SLC9A9: variants seen among roughly 807,000 people sequenced by gnomAD.
SLC9A9 encodes solute carrier family 9 member A9.
In SLC9A9, 62 loss-of-function variants were observed where a neutral mutation model predicts 77.8. That is an observed-to-expected ratio of 0.80 (90% CI 0.65 to 0.98). The LOEUF (loss-of-function observed/expected upper bound fraction) is 0.98, where lower values mean the gene tolerates loss of function less well. SLC9A9 is among the 50% of genes least tolerant of loss of function. The pLI is 0.00. For synonymous variants in SLC9A9, 320 were observed against 283.5 expected, an observed-to-expected ratio of 1.13 and a Z score of -1.29; for missense variants, 775 against 774.9, an observed-to-expected ratio of 1.00 and a Z score of 0.00.
intron 4 of SLC9A9, among the ~76,000 whole-genome samples, chr3:143,762,774 G>A (rs111538468): frequency 2.2e-4 from 33 of 152,284 alleles, no homozygotes; most frequent in African/African-American, 7.9e-4. Flanking sequence ...TATATGGCCA[G>A]TGTGGCACTG....
intron 6 of SLC9A9, among the ~76,000 whole-genome samples, chr3:143,623,647 C>G (rs2038263039): frequency 6.6e-6 from 1 of 151,738 alleles, no homozygotes; most frequent in Non-Finnish European, 1.5e-5. Context: ...CACTAAATGC[C>G]CACAAGAGAA....
At position 143,399,635 on chromosome 3, in the gene SLC9A9, CAG is replaced by C. The variant is rs1333994603; in HGVS notation, c.1470-17523_1470-17522del. Among the ~76,000 whole-genome samples the C allele has an allele frequency of 2.0e-5, 3 of 152,216 alleles. No individual in the cohort carries two copies. The East Asian group carries it at 5.8e-4, about 29-fold the overall frequency. The stretch of plus-strand genomic sequence containing the variant: ...CTACGGAAAGTGCACAGCATGGAAA[CAG>C]AATTAGCATCAATTTGGCGGAAAAT... On this transcript the variant is annotated intron_variant, in intron 12 of 15. Transcript: ENST00000316549.
intron 9 of SLC9A9, among the ~76,000 whole-genome samples, chr3:143,546,321 G>A (rs139621378): frequency 6.6e-6 from 1 of 152,282 alleles, no homozygotes; most frequent in Non-Finnish European, 1.5e-5. Flanking sequence ...AATAAAATAA[G>A]CATCTGGAAA....
chr3:143,820,374 A>G (rs2009135423), intron 2 of SLC9A9, among the ~76,000 whole-genome samples: 1 of 152,244 alleles, frequency 6.6e-6, no homozygotes, highest in Admixed American at 6.5e-5. Context: ...ACCAATGGCT[A>G]GAAACTCTTC....
intron 12 of SLC9A9, among the ~76,000 whole-genome samples, chr3:143,463,558 G>A (rs1385164156): frequency 2.6e-5 from 4 of 152,216 alleles, no homozygotes; most frequent in South Asian, 2.1e-4. Context: ...ACTCCTGTTG[G>A]GTTTTCCTCA....
At chr3:143,317,801 C>A (rs2031271353) in intron 14 of SLC9A9, among the ~76,000 whole-genome samples, 1 of 152,186 alleles carries the variant, frequency 6.6e-6, no homozygotes, top group South Asian at 2.1e-4. Context: ...GATCTTGGCT[C>A]ACTGCAAGCT....
chr3:143,572,293 A>C (rs1242241855), intron 8 of SLC9A9, among the ~76,000 whole-genome samples: 1 of 143,698 alleles, frequency 7.0e-6, no homozygotes, highest in Non-Finnish European at 1.5e-5. Context: ...ATTCTTAGGC[A>C]ATGGTGTGTG....
chr3:143,761,488 A>G (rs1426132618), intron 4 of SLC9A9, among the ~76,000 whole-genome samples: 5 of 152,188 alleles, frequency 3.3e-5, no homozygotes, highest in African/African-American at 1.2e-4. Flanking sequence ...ACTCAAACAA[A>G]TTTACCAGAA....
chr3:143,641,348 C>T (rs1398788174), intron 6 of SLC9A9, among the ~76,000 whole-genome samples: 1 of 150,116 alleles, frequency 6.7e-6, no homozygotes, highest in East Asian at 1.9e-4. Context: ...TTCAGCATTT[C>T]CTTACCAAAT....
chr3:143,826,120 G>A (rs945908670), intron 2 of SLC9A9, among the ~76,000 whole-genome samples: 19 of 152,096 alleles, frequency 1.2e-4, no homozygotes, highest in Admixed American at 8.5e-4. Context: ...GTAGCTGGGC[G>A]TGGTGGCACA....
intron 12 of SLC9A9, among the ~76,000 whole-genome samples, chr3:143,391,505 A>T (rs531392037): frequency 1.3e-5 from 2 of 152,330 alleles, no homozygotes; most frequent in African/African-American, 4.8e-5. Flanking sequence ...TGGGGAAAAA[A>T]CAGAGCAGAA....
chr3:143,467,727 A>AAGAGAGAGAGAGAGAGAGAGAGAG lies in SLC9A9; in HGVS notation c.1316-561_1316-538dup, dbSNP rs111531862. Among the ~76,000 whole-genome samples the AAGAGAGAGAGAGAGAGAGAGAGAG allele has an allele frequency of 9.1e-4, 132 of 144,800 alleles. 2 individuals are homozygous for AAGAGAGAGAGAGAGAGAGAGAGAG. The highest frequency in any genetic ancestry group is 1.6e-3 in the Non-Finnish European group (104 of 65,522). 95.0% of individuals were successfully genotyped at this position (144,800 alleles called of 152,430 possible). On this transcript the variant is annotated intron_variant, in intron 11 of 15. Coordinates refer to ENST00000316549, the MANE Select transcript of SLC9A9 (RefSeq NM_173653.4). ...GTGACAGAATAAGTCCCTGGCTCTA[A>AAGAGAGAGAGAGAGAGAGAGAGAG]AGAGAGAGAGAGAGAGAGAGAGAGA...
chr3:143,482,187 T>C (rs2035585934), intron 11 of SLC9A9, among the ~76,000 whole-genome samples: 2 of 152,112 alleles, frequency 1.3e-5, no homozygotes, highest in South Asian at 4.1e-4. Flanking sequence ...TACATGTTCA[T>C]GAAAAAATTT....
intron 12 of SLC9A9, among the ~76,000 whole-genome samples, chr3:143,392,308 A>G (rs573742481): frequency 6.6e-6 from 1 of 152,330 alleles, no homozygotes; most frequent in South Asian, 2.1e-4. Flanking sequence ...ACATTCTTAA[A>G]GAAAAGAATT....
intron 5 of SLC9A9, among the ~76,000 whole-genome samples, chr3:143,658,882 C>T (rs1423809668): frequency 6.6e-6 from 1 of 152,224 alleles, no homozygotes; most frequent in Non-Finnish European, 1.5e-5. Context: ...GGTCTTGTAT[C>T]TGGGAACTTA....
Position 143,367,141 on chromosome 3 carries a change from T to C in SLC9A9, c.1525-3578A>G, listed in dbSNP as rs551595777. Among the ~76,000 whole-genome samples the C allele has an allele frequency of 2.8e-3, 427 of 152,344 alleles. 2 individuals are homozygous for C. The highest frequency in any genetic ancestry group is 4.6e-3 in the Admixed American group (71 of 15,304). The stretch of plus-strand genomic sequence containing the variant: ...TCATATGCACTTCTGAAAGAGCTTA[T>C]ACTCTATTCTTGGCAAACCTTCCAG... On this transcript the variant is annotated intron_variant, in intron 13 of 15. Coordinates refer to ENST00000316549, the MANE Select transcript of SLC9A9 (RefSeq NM_173653.4).
intron 14 of SLC9A9, among the ~76,000 whole-genome samples, chr3:143,324,264 T>A (rs2031510348): frequency 6.6e-6 from 1 of 152,138 alleles, no homozygotes; most frequent in Non-Finnish European, 1.5e-5. Context: ...TGGGTGAGCC[T>A]TGTCTAAGTC....
intron 2 of SLC9A9, among the ~76,000 whole-genome samples, chr3:143,822,045 C>G (rs2009179731): frequency 6.6e-6 from 1 of 152,202 alleles, no homozygotes; most frequent in South Asian, 2.1e-4. Flanking sequence ...ACGTCATGCA[C>G]TTTCCAGAGT....
intron 4 of SLC9A9, among the ~76,000 whole-genome samples, chr3:143,704,192 G>A (rs1040072825): frequency 6.6e-6 from 1 of 152,142 alleles, no homozygotes; most frequent in African/African-American, 2.4e-5. Context: ...AAAAATAGAG[G>A]AGAAGGAGGG....
Sources: gnomAD v4.1 joint callset for allele counts (sites outside exome capture counted in the v4.1 genomes callset) on GRCh38, gnomAD v4.1.1 for gene constraint, MANE v1.5 for transcripts, NCBI Gene and HGNC (gene_info 2026-07-23, HGNC 2026-07-21) for gene names.